The following CUTC variants were observed in gnomAD, a reference collection of about 807,000 sequenced individuals.
CUTC encodes cutC copper transporter.
Under a neutral mutation model 36.2 loss-of-function variants are expected in CUTC, and 27 were observed. The observed-to-expected ratio is 0.75, with a 90% CI of 0.55 to 1.03. CUTC has a LOEUF of 1.03. CUTC is among the 50% of genes least tolerant of loss of function. The pLI is 0.00. For missense variants in CUTC, 315 were observed against 343.5 expected (o/e 0.92, Z 0.66); for synonymous variants, 114 against 118.3 (o/e 0.96, Z 0.24).
chr10:99,739,611 A>T, intron 2 of CUTC, 99 bp from the exon 3 acceptor site: 1 of 1,067,796 alleles, frequency 9.4e-7, no homozygotes, highest in Non-Finnish European at 1.4e-6. Context: ...GATGATTTCT[A>T]AGACTGTTCT....
At chr10:99,744,600 T>C (rs1369880105) in intron 5 of CUTC, among the ~76,000 whole-genome samples, 1 of 152,196 alleles carries the variant, frequency 6.6e-6, no homozygotes, top group Non-Finnish European at 1.5e-5. Flanking sequence ...GAGAAACAGA[T>C]GCAATCTAGT....
intron 3 of CUTC, among the ~76,000 whole-genome samples, chr10:99,742,477 A>G (rs1226176098): frequency 6.6e-6 from 1 of 152,156 alleles, no homozygotes; most frequent in Non-Finnish European, 1.5e-5. Context: ...ATTATGATTC[A>G]TTGCTTAGTA....
chr10:99,738,389 G>GGTGGGT (rs1554843112), intron 2 of CUTC, among the ~76,000 whole-genome samples: 3 of 142,862 alleles, frequency 2.1e-5, no homozygotes, highest in African/African-American at 7.8e-5. Context: ...ACTCATACAG[G>GGTGGGT]GTGTGTGTGT....
chr10:99,754,608 T>C lies in CUTC; in HGVS notation c.681T>C (p.Ser227=). ...CAGAATTCCACTGTTCTGCTCGGTC[T>C]ACTAGAGACTCGGGAATGAAGTTTC... ...GATEFHCSAR[S]TRDSGMKFRN... Residue 227 remains serine (S), a synonymous_variant, in exon 8 of 9, where the codon TCT becomes TCC. Transcript: ENST00000370476. 1 of 1,612,652 alleles carries C rather than the reference T, an allele frequency of 6.2e-7. No homozygotes were observed. Among genetic ancestry groups the C allele is most frequent in the Admixed American group, 1.7e-5 (1 of 59,920 alleles).
chr10:99,754,765 GT>G (rs1054056334), intron 8 of CUTC, 131 bp downstream of exon 8: 2 of 619,568 alleles, frequency 3.2e-6, no homozygotes, highest in Admixed American at 3.0e-5. Flanking sequence ...TATTGTAGTT[GT>G]TTTTGTAGTT....
At chr10:99,750,136 G>A (rs2037405916) in intron 6 of CUTC, among the ~76,000 whole-genome samples, 1 of 151,798 alleles carries the variant, frequency 6.6e-6, no homozygotes, top group African/African-American at 2.4e-5. Context: ...GGCACTTATT[G>A]GGGGGGAAAA....
chr10:99,748,131 G>T (rs2037392589), intron 6 of CUTC, among the ~76,000 whole-genome samples: 1 of 152,080 alleles, frequency 6.6e-6, no homozygotes, highest in Non-Finnish European at 1.5e-5. Context: ...TTGAGACTCG[G>T]GTTTGATACT....
chr10:99,736,820 T>C (rs766412176), intron 2 of CUTC, among the ~76,000 whole-genome samples: 17 of 152,182 alleles, frequency 1.1e-4, no homozygotes, highest in Non-Finnish European at 1.9e-4. Flanking sequence ...CATGTATGCA[T>C]CACTCATCTT....
chr10:99,734,267 G>A (rs1167839929), intron 1 of CUTC, among the ~76,000 whole-genome samples: 9 of 151,898 alleles, frequency 5.9e-5, no homozygotes, highest in Non-Finnish European at 1.0e-4. Flanking sequence ...ATGGGGTTTC[G>A]CCATGTTGGC....
chr10:99,743,429 AAAC>A, intron 4 of CUTC, 67 bp downstream of exon 4: 1 of 1,435,406 alleles, frequency 7.0e-7, no homozygotes, highest in South Asian at 1.2e-5. Flanking sequence ...CAATATAGAA[AAAC>A]AACATCACAA....
At chr10:99,733,125 A>G (rs941820791) in intron 1 of CUTC, among the ~76,000 whole-genome samples, 1 of 152,206 alleles carries the variant, frequency 6.6e-6, no homozygotes, top group Non-Finnish European at 1.5e-5. Flanking sequence ...CCTGGCCAGC[A>G]TGGTGAAACC....
intron 2 of CUTC, among the ~76,000 whole-genome samples, chr10:99,739,266 A>G (rs2037321108): frequency 6.6e-6 from 1 of 152,058 alleles, no homozygotes; most frequent in Non-Finnish European, 1.5e-5. Context: ...TGGTTTCAGC[A>G]TTTTCTTATT....
In CUTC at chr10:99,732,323, G is replaced by A. The variant is rs1438492419; in HGVS notation, c.-26G>A. 12 of 1,551,060 alleles carry A rather than the reference G, an allele frequency of 7.7e-6. No homozygotes were observed. The highest frequency in any genetic ancestry group is 5.5e-5 in the African/African-American group (4 of 73,054). On this transcript the variant is annotated 5_prime_UTR_variant, in exon 1 of 9. Transcript: ENST00000370476. ...CCCAAATTCCAAGTGGAAACTGCAG[G>A]CGCACGAGGGAGGAACGCGTGGAGC...
intron 3 of CUTC, among the ~76,000 whole-genome samples, chr10:99,742,172 T>C (rs2037346166): frequency 6.6e-6 from 1 of 152,348 alleles, no homozygotes; most frequent in African/African-American, 2.4e-5. Flanking sequence ...GTCCAGTGTC[T>C]TGCAAACCAC....
intron 6 of CUTC, among the ~76,000 whole-genome samples, chr10:99,749,406 A>G (rs867608268): frequency 6.6e-6 from 1 of 152,170 alleles, no homozygotes; most frequent in Non-Finnish European, 1.5e-5. Context: ...TAATTGTTCT[A>G]TATTATTAAA....
Position 99,755,819 on chromosome 10 carries a change from C to T in CUTC, c.*80C>T, listed in dbSNP as rs2133683169. 1.1e-6 allele frequency: 1 copy of T among 908,908 alleles called. No homozygotes were observed. The highest frequency in any genetic ancestry group is 1.8e-6 in the Non-Finnish European group (1 of 565,204). The allele number at this position is 908,908 out of a possible 1,614,324, so 56.3% of individuals were successfully genotyped here. A position where few individuals can be genotyped will look rare whatever the true frequency, so the allele number is the denominator to read the frequency against. On this transcript the variant is annotated 3_prime_UTR_variant, in exon 9 of 9. Coordinates refer to ENST00000370476, the MANE Select transcript of CUTC (RefSeq NM_015960.3). Reference sequence around the variant, plus strand: ...GCAATTCTCTATGACACAGCTTTAACCTTCTTCTCTGGCCAGGACAGTCGC... The same window carrying T: ...GCAATTCTCTATGACACAGCTTTAATCTTCTTCTCTGGCCAGGACAGTCGC...
At chr10:99,737,474 G>T (rs1229939206) in intron 2 of CUTC, among the ~76,000 whole-genome samples, 4 of 152,072 alleles carry the variant, frequency 2.6e-5, no homozygotes, top group Admixed American at 2.6e-4. Flanking sequence ...AGTTGCTTAG[G>T]GCTGAGAGGC....
intron 2 of CUTC, among the ~76,000 whole-genome samples, chr10:99,737,958 C>T (rs556967360): frequency 6.6e-6 from 1 of 152,090 alleles, no homozygotes; most frequent in East Asian, 1.9e-4. Context: ...AGACCAGCCT[C>T]AACATGGAGA....
chr10:99,742,678 G>A (rs570062261), intron 3 of CUTC, among the ~76,000 whole-genome samples: 1 of 145,374 alleles, frequency 6.9e-6, no homozygotes, highest in East Asian at 2.0e-4. Flanking sequence ...CAAATAAGTA[G>A]AACTTTGCTC....
Sources: gnomAD v4.1 joint callset for allele counts (sites outside exome capture counted in the v4.1 genomes callset) on GRCh38, gnomAD v4.1.1 for gene constraint, MANE v1.5 for transcripts, NCBI Gene and HGNC (gene_info 2026-07-23, HGNC 2026-07-21) for gene names.